Variants in LTBP2 observed in about 807,000 individuals in gnomAD.
LTBP2 encodes the protein latent-transforming growth factor beta-binding protein 2.
LTBP2 carries 103 observed loss-of-function variants against 210.6 expected under a neutral mutation model. The observed-to-expected ratio is 0.49, with a 90% CI of 0.42 to 0.58. The LOEUF (loss-of-function observed/expected upper bound fraction) is 0.58, where lower values mean the gene tolerates loss of function less well. Ranked by LOEUF, LTBP2 falls within the 20% of genes least tolerant of loss-of-function variation. The pLI is 0.00. For synonymous variants in LTBP2, 1,007 were observed against 1,015.0 expected (o/e 0.99, Z 0.15); for missense variants, 2,313 against 2,494.5 (o/e 0.93, Z 1.55).
At chr14:74,522,668 C>T in intron 16 of LTBP2, 122 bp downstream of exon 16, 1 of 1,238,966 alleles carries the variant, frequency 8.1e-7, no homozygotes, top group Non-Finnish European at 1.1e-6. Context: ...TCCTCCTAAA[C>T]TCATCAACCA....
chr14:74,516,837 T>C lies in LTBP2; in HGVS notation c.2893A>G (p.Lys965Glu). The C allele has an allele frequency of 6.4e-7, 1 of 1,551,852 alleles. No homozygotes were observed. The highest frequency in any genetic ancestry group is 1.4e-5 in the African/African-American group (1 of 73,156). The change falls in exon 18 of 36, where the codon AAA (lysine) becomes GAA (glutamate). Residue 965 changes from lysine (K) to glutamate (E), a missense_variant. This residue lies in a region of LTBP2 where 1,867 missense variants were observed against 1,976.9 expected (regional missense o/e 0.94). Transcript: ENST00000261978. ...ECDQGYIMVR[K>E]GHCQDINECR... Reference sequence around the variant, plus strand: ...CGTTCCTTACCTTGGCAGTGTCCTTTCCTGACCATGATGTAGCCCTGATCA... The same window carrying C: ...CGTTCCTTACCTTGGCAGTGTCCTTCCCTGACCATGATGTAGCCCTGATCA...
At chr14:74,583,503 G>C (rs1032203446) in intron 3 of LTBP2, among the ~76,000 whole-genome samples, 2 of 152,236 alleles carry the variant, frequency 1.3e-5, no homozygotes, top group African/African-American at 4.8e-5. Context: ...CTGGCCTGGA[G>C]GCTGCAGCTC....
intron 3 of LTBP2, among the ~76,000 whole-genome samples, chr14:74,556,007 TC>T (rs2087724345): frequency 6.6e-6 from 1 of 152,170 alleles, no homozygotes; most frequent in Non-Finnish European, 1.5e-5. Flanking sequence ...TGTTAGACGG[TC>T]CTCACGTAGC....
In LTBP2 at chr14:74,585,960, G is replaced by C; in HGVS notation, c.724C>G (p.Arg242Gly). 1 of 1,613,566 alleles carries C rather than the reference G, an allele frequency of 6.2e-7. No homozygotes were observed. Among genetic ancestry groups the C allele is most frequent in the Non-Finnish European group, 8.5e-7 (1 of 1,179,790 alleles). Residue 242 changes from arginine (R) to glycine (G), a missense_variant, in exon 3 of 36, where the codon CGT becomes GGT. Arg to Gly is a moderately radical substitution (Grantham distance 125, BLOSUM62 -2). Around this residue, in one of 3 missense-constraint regions of LTBP2, gnomAD observed 1,867 missense variants for 1,976.9 expected, o/e 0.94. Transcript: ENST00000261978. ...CTGCTCCTGCGCAGGTTGGGTGAAC[G>C]CTCGGCCCAGCGTCGAGGTGCCAGC... Reference protein sequence around the residue: ...SRLAPRRWAERSPNLRRSSAA... With the variant: ...SRLAPRRWAEGSPNLRRSSAA...
At chr14:74,570,909 T>A (rs1197652133) in intron 3 of LTBP2, among the ~76,000 whole-genome samples, 1 of 152,156 alleles carries the variant, frequency 6.6e-6, no homozygotes, top group Non-Finnish European at 1.5e-5. Flanking sequence ...AAGTTTCTGA[T>A]GACCGCTGCT....
intron 1 of LTBP2, among the ~76,000 whole-genome samples, chr14:74,608,861 G>A (rs1260722623): frequency 6.6e-6 from 1 of 152,148 alleles, no homozygotes; most frequent in Admixed American, 6.5e-5. Flanking sequence ...ATCAAGCCTG[G>A]CACAAACTTA....
At chr14:74,539,353 G>C (rs2087462766) in intron 8 of LTBP2, among the ~76,000 whole-genome samples, 1 of 152,172 alleles carries the variant, frequency 6.6e-6, no homozygotes, top group Admixed American at 6.5e-5. Flanking sequence ...GAGAGAGAGA[G>C]ATCAGGAAGA....
At position 74,596,337 on chromosome 14, in the gene LTBP2, C is replaced by A. The variant is rs868788112; in HGVS notation, c.565+7298G>T. Among the ~76,000 whole-genome samples the A allele has an allele frequency of 4.6e-5, 7 of 152,130 alleles. No homozygotes were observed. The South Asian group carries it at 6.2e-4, about 14-fold the overall frequency. On this transcript the variant is annotated intron_variant, in intron 2 of 35. Coordinates refer to ENST00000261978, the MANE Select transcript of LTBP2 (RefSeq NM_000428.3). ...AGGAGACAGTCGAGGGCCCAAGATC[C>A]AGAAGAACAAGGCCGGTGGGGGCCA... is the stretch of plus-strand genomic sequence containing the variant.
Position 74,522,778 on chromosome 14 carries a change from C to T in LTBP2, c.2659+12G>A. On this transcript the variant is annotated intron_variant, in intron 16 of 35. Coordinates refer to ENST00000261978, the MANE Select transcript of LTBP2 (RefSeq NM_000428.3). ...CAGCCGCCAAGTAAGCCCAGGGCAC[C>T]CAAGTGAATACCTGTGCAGTAGGCC... 1 of 1,608,582 alleles carries T rather than the reference C, an allele frequency of 6.2e-7. No homozygotes were observed. Among genetic ancestry groups the T allele is most frequent in the Non-Finnish European group, 8.5e-7 (1 of 1,177,692 alleles).
At chr14:74,596,599 C>T (rs2088368526) in intron 2 of LTBP2, among the ~76,000 whole-genome samples, 1 of 152,298 alleles carries the variant, frequency 6.6e-6, no homozygotes, top group East Asian at 1.9e-4. Context: ...GGAGAGCGGG[C>T]AGCAGGCTGT....
At chr14:74,580,433 A>C (rs1241737705) in intron 3 of LTBP2, among the ~76,000 whole-genome samples, 3 of 152,250 alleles carry the variant, frequency 2.0e-5, no homozygotes, top group Non-Finnish European at 4.4e-5. Context: ...ACACAGACAC[A>C]CACAAGGAAG....
chr14:74,558,494 C>A (rs1299669676), intron 3 of LTBP2, among the ~76,000 whole-genome samples: 1 of 152,236 alleles, frequency 6.6e-6, no homozygotes, highest in Non-Finnish European at 1.5e-5. Flanking sequence ...CTGGGAGCCT[C>A]GTCCTGGGTA....
At chr14:74,549,018 C>T (rs1370846650) in intron 8 of LTBP2, among the ~76,000 whole-genome samples, 2 of 152,242 alleles carry the variant, frequency 1.3e-5, no homozygotes, top group African/African-American at 4.8e-5. Flanking sequence ...ATGCAAGGAA[C>T]AGCCCTGCCC....
intron 2 of LTBP2, among the ~76,000 whole-genome samples, chr14:74,603,282 C>T (rs1037872731): frequency 6.6e-6 from 1 of 152,200 alleles, no homozygotes; most frequent in Non-Finnish European, 1.5e-5. Flanking sequence ...CACCCATCAG[C>T]ACGCCTGGCT....
At position 74,506,199 on chromosome 14, in the gene LTBP2, G is replaced by A; in HGVS notation, c.4034-8C>T. 1.9e-6 allele frequency: 3 copies of A among 1,614,168 alleles called. No individual in the cohort carries two copies. The highest frequency in any genetic ancestry group is 2.5e-6 in the Non-Finnish European group (3 of 1,180,036). ...GCTCACACTCGTTCACATCTGCCAG[G>A]TGTGAGAACAGGCTCGTGGGCAGAA... On this transcript the variant is annotated splice_polypyrimidine_tract_variant and splice_region_variant and intron_variant, in intron 27 of 35. Transcript: ENST00000261978.
rs774729288 is a variant in LTBP2 at position 74,586,038 on chromosome 14, C to T, written c.646G>A (p.Ala216Thr). ...TCGGGAATGACCTCCTCGCAGCGGG[C>T]TCCACGGAAACCAGAGCGGCAGACA... ...LCVCRSGFRG[A>T]RCEEVIPDEE... The change falls in exon 3 of 36, where the codon GCC (alanine) becomes ACC (threonine). Residue 216 changes from alanine to threonine, a missense_variant. This residue lies in a region of LTBP2 where 1,867 missense variants were observed against 1,976.9 expected (regional missense o/e 0.94). Coordinates refer to ENST00000261978, the MANE Select transcript of LTBP2 (RefSeq NM_000428.3). The surrounding 1 kb of genome is among the most constrained non-coding windows in gnomAD (Gnocchi z 4.6). 1.5e-5 allele frequency: 24 copies of T among 1,603,242 alleles called. No individual in the cohort carries two copies. Among genetic ancestry groups the T allele is most frequent in the Non-Finnish European group, 2.0e-5 (24 of 1,175,218 alleles).
In LTBP2 at chr14:74,529,070, G is replaced by A. The variant is rs138774728; in HGVS notation, c.2040C>T (p.Pro680=). The A allele has an allele frequency of 6.6e-5, 103 of 1,558,898 alleles. No homozygotes were observed. In the African/African-American group the frequency reaches 1.2e-3, roughly 18 times the overall value. The change falls in exon 11 of 36, where the codon CCC becomes CCT. Residue 680 remains proline, a synonymous_variant. Transcript: ENST00000261978. ...LQGLCYRSLG[P]GTCTLPLAQR... ...GGGCCAAAGGCAGGGTGCAGGTGCC[G>A]GGCCCCAGCGACCGGTAGCACAGTC...
chr14:74,568,204 A>G (rs1217697240), intron 3 of LTBP2, among the ~76,000 whole-genome samples: 1 of 152,216 alleles, frequency 6.6e-6, no homozygotes, highest in Non-Finnish European at 1.5e-5. Context: ...CCCAGGGTTC[A>G]TCTCCTGCCT....
chr14:74,527,648 G>A (rs1005541318), intron 12 of LTBP2, among the ~76,000 whole-genome samples: 1 of 152,162 alleles, frequency 6.6e-6, no homozygotes, highest in Non-Finnish European at 1.5e-5. Flanking sequence ...TAAGGCCTCG[G>A]GTGACAGGAG....
Sources: gnomAD v4.1 joint callset for allele counts (sites outside exome capture counted in the v4.1 genomes callset) on GRCh38, gnomAD v4.1.1 for gene constraint, gnomAD v4.1.1 regional missense constraint, Gnocchi (gnomAD v3.1) non-coding constraint, MANE v1.5 for transcripts, NCBI Gene and HGNC (gene_info 2026-07-23, HGNC 2026-07-21) for gene names.